The following APPL2 variants were observed in gnomAD, a reference collection of about 807,000 sequenced individuals.
The protein encoded by APPL2 is DCC-interacting protein 13-beta.
A neutral mutation model predicts 92.7 loss-of-function variants in APPL2; 84 were observed. The observed-to-expected ratio is 0.91, with a 90% CI of 0.76 to 1.09. The LOEUF (loss-of-function observed/expected upper bound fraction) is 1.09. Among genes scored for constraint, APPL2 ranks in the 50% least tolerant of loss-of-function variants. The pLI is 0.00. For synonymous variants in APPL2, 291 were observed against 291.0 expected (o/e 1.00, Z 0.00); for missense variants, 736 against 824.5 (o/e 0.89, Z 1.31).
intron 1 of APPL2, among the ~76,000 whole-genome samples, chr12:105,230,665 A>G (rs1296183488): frequency 6.6e-6 from 1 of 152,212 alleles, no homozygotes; most frequent in Non-Finnish European, 1.5e-5. Context: ...AAACTAGAAT[A>G]AGAACCTATG....
chr12:105,176,772 G>C, intron 19 of APPL2, 104 bp downstream of exon 19: 1 of 1,410,534 alleles, frequency 7.1e-7, no homozygotes, highest in Non-Finnish European at 9.7e-7. Context: ...ATGGAGACAT[G>C]CAGAATAATC....
intron 16 of APPL2, among the ~76,000 whole-genome samples, chr12:105,189,079 CATG>C (rs1886976025): frequency 6.6e-6 from 1 of 152,112 alleles, no homozygotes; most frequent in Non-Finnish European, 1.5e-5. Flanking sequence ...AGTGCAATGG[CATG>C]ATTTCAGCTC....
intron 2 of APPL2, among the ~76,000 whole-genome samples, 153 bp downstream of exon 2, chr12:105,228,972 T>C (rs1414997554): frequency 6.6e-6 from 1 of 152,256 alleles, no homozygotes; most frequent in Non-Finnish European, 1.5e-5. Context: ...CTTAGGTTTT[T>C]GAGGTGAAAA....
chr12:105,197,738 C>T (rs1204171567), intron 11 of APPL2, 27 bp downstream of exon 11: 2 of 1,613,794 alleles, frequency 1.2e-6, no homozygotes, highest in African/African-American at 1.3e-5. Context: ...ACTCATTCTC[C>T]TCCCAAATAA....
intron 2 of APPL2, 31 bp from the exon 3 acceptor site, chr12:105,217,756 T>G: frequency 6.2e-7 from 1 of 1,605,818 alleles, no homozygotes; most frequent in Non-Finnish European, 8.5e-7. Context: ...GCAAGTAAGA[T>G]TAGTCCAATG....
chr12:105,214,027 A>T (rs111736204), intron 4 of APPL2, among the ~76,000 whole-genome samples: 1,907 of 152,192 alleles, frequency 0.013, 18 homozygotes, highest in Non-Finnish European at 0.018. Flanking sequence ...CTCTACTAAA[A>T]ATACAAAATT....
intron 9 of APPL2, among the ~76,000 whole-genome samples, chr12:105,200,880 C>G (rs113709579): frequency 0.065 from 7,892 of 121,896 alleles, 225 homozygotes; most frequent in Admixed American, 0.085. Flanking sequence ...ATCTATCTAT[C>G]TATCTATCTA....
intron 2 of APPL2, among the ~76,000 whole-genome samples, chr12:105,225,900 A>G (rs977408641): frequency 1.6e-4 from 24 of 152,238 alleles, no homozygotes; most frequent in African/African-American, 5.5e-4. Flanking sequence ...CCAGAAATAT[A>G]CCGTGTAGTC....
chr12:105,220,789 C>T (rs1287483050), intron 2 of APPL2, among the ~76,000 whole-genome samples: 1 of 152,238 alleles, frequency 6.6e-6, no homozygotes, highest in Non-Finnish European at 1.5e-5. Context: ...TCATGTGCCA[C>T]TCACACAGCC....
chr12:105,233,079 T>G (rs763533832), intron 1 of APPL2: 6 of 985,250 alleles, frequency 6.1e-6, no homozygotes, highest in Non-Finnish European at 7.2e-6. Flanking sequence ...ACCTCAAAAG[T>G]GTACTACTTA....
At chr12:105,202,317 T>C (rs1888282076) in intron 9 of APPL2, among the ~76,000 whole-genome samples, 1 of 152,174 alleles carries the variant, frequency 6.6e-6, no homozygotes, top group Non-Finnish European at 1.5e-5. Flanking sequence ...GCTGGTGCTA[T>C]ACTTGGGTTG....
intron 17 of APPL2, among the ~76,000 whole-genome samples, chr12:105,184,785 G>T (rs1353425019): frequency 6.6e-6 from 1 of 152,236 alleles, no homozygotes; most frequent in Non-Finnish European, 1.5e-5. Context: ...CAAGCGTTGT[G>T]CTGGGAGACC....
chr12:105,185,104 C>A (rs541916808), intron 17 of APPL2, among the ~76,000 whole-genome samples: 135 of 152,248 alleles, frequency 8.9e-4, no homozygotes, highest in African/African-American at 3.1e-3. Flanking sequence ...GATGCCCCTC[C>A]CCCCCACCAA....
At chr12:105,206,644 G>A (rs1270715105) in intron 8 of APPL2, among the ~76,000 whole-genome samples, 4 of 152,172 alleles carry the variant, frequency 2.6e-5, no homozygotes, top group African/African-American at 9.7e-5. Context: ...TCTAGGAGAG[G>A]TGCACCTGAG....
chr12:105,176,806 G>A, intron 19 of APPL2, 70 bp downstream of exon 19: 1 of 1,550,472 alleles, frequency 6.4e-7, no homozygotes, highest in Non-Finnish European at 8.8e-7. Context: ...AGGAAGTAAT[G>A]CCAGAAAACT....
rs1227033845 is a variant in APPL2 at position 105,212,078 on chromosome 12, C to T, written c.286-761G>A. On this transcript the variant is annotated intron_variant, in intron 4 of 20. Transcript: ENST00000258530. ...AGCTTGCAGTGAGCCGAGATCGCAC[C>T]ACTGCAGTTCAGCCTGGGTGACAGA... 1.0e-4 allele frequency among the ~76,000 whole-genome samples: 14 copies of T among 135,948 alleles called. No homozygotes were observed. The Admixed American group carries it at 1.1e-3, about 11-fold the overall frequency. The allele number at this position is 135,948 out of a possible 152,430, so 89.2% of individuals were successfully genotyped here.
intron 1 of APPL2, among the ~76,000 whole-genome samples, chr12:105,232,079 G>A (rs1448880479): frequency 1.3e-5 from 2 of 152,214 alleles, no homozygotes; most frequent in African/African-American, 4.8e-5. Flanking sequence ...ACTATGGCAT[G>A]CCAGCATGGA....
chr12:105,228,672 A>G (rs561823430), intron 2 of APPL2, among the ~76,000 whole-genome samples: 1 of 151,448 alleles, frequency 6.6e-6, no homozygotes, highest in African/African-American at 2.4e-5. Context: ...TTCCACAAAC[A>G]AAGAAGCCAC....
rs999279126 is a variant in APPL2 at position 105,207,045 on chromosome 12, G to T, written c.621+16C>A. The T allele has an allele frequency of 6.2e-7, 1 of 1,610,298 alleles. No homozygotes were observed. Among genetic ancestry groups the T allele is most frequent in the African/African-American group, 1.3e-5 (1 of 74,900 alleles). ...AGCTAGCTTAGGTTTCAGCCCTCAG[G>T]GAGGGACTCCCCTACCTGTCCATGG... On this transcript the variant is annotated intron_variant, in intron 8 of 20. Transcript: ENST00000258530.
Sources: allele counts gnomAD v4.1 joint callset (sites outside exome capture counted in the v4.1 genomes callset), GRCh38; gene constraint gnomAD v4.1.1; transcripts MANE v1.5; gene names NCBI Gene and HGNC (gene_info 2026-07-23, HGNC 2026-07-21).